The following WASF3 variants were observed in gnomAD, a reference collection of about 807,000 sequenced individuals.
The protein encoded by WASF3 is actin-binding protein WASF3.
WASF3 carries 11 observed loss-of-function variants against 46.6 expected under a neutral mutation model. The ratio of observed to expected loss-of-function variants is 0.24; its 90% CI spans 0.15 to 0.39. WASF3 has a LOEUF of 0.39. Among genes scored for constraint, WASF3 ranks in the 10% least tolerant of loss-of-function variants. The pLI is 1.00. For synonymous variants in WASF3, 242 were observed against 259.7 expected, an observed-to-expected ratio of 0.93 and a Z score of 0.65; for missense variants, 576 against 669.8, an observed-to-expected ratio of 0.86 and a Z score of 1.55.
Position 26,642,386 on chromosome 13 carries a change from G to T in WASF3, c.116G>T (p.Arg39Leu). 1 of 1,600,208 alleles carries T rather than the reference G, an allele frequency of 6.2e-7. No homozygotes were observed. The highest frequency in any genetic ancestry group is 1.8e-5 in the Admixed American group (1 of 56,774). ...AATAGTACTCTTGCCGCTATCATAC[G>T]CCAGCTGAGCAGTCTGAGTAAGCCA... Reference protein sequence around the residue: ...VTNSTLAAIIRQLSSLSKHAE... With the variant: ...VTNSTLAAIILQLSSLSKHAE... Residue 39 changes from arginine to leucine, a missense_variant, in exon 3 of 10, where the codon CGC (arginine) becomes CTC (leucine). By Grantham distance (102) the Arg-to-Leu change is moderately radical. Coordinates refer to ENST00000335327, the MANE Select transcript of WASF3 (RefSeq NM_006646.6).
the WASF3 span, among the ~76,000 whole-genome samples, chr13:26,551,066 A>AGTGAGT: frequency 3.9e-5 from 6 of 152,166 alleles, no homozygotes; most frequent in East Asian, 1.2e-3. Context: ...TTCTCATGAT[A>AGTGAGT]GTGAGTGTGT....
In WASF3 at chr13:26,588,535, C is replaced by A. The variant is rs557261872; in HGVS notation, c.-108-24426C>A. ...GTTTTTACCAAAGTCAAATAGTATCCCCAAATCGGCTTCTGTTTCAGTTAT... is the reference window on the plus strand; with the variant it reads ...GTTTTTACCAAAGTCAAATAGTATCACCAAATCGGCTTCTGTTTCAGTTAT... On this transcript the variant is annotated intron_variant, in intron 1 of 9. Transcript: ENST00000335327. Among the ~76,000 whole-genome samples the A allele has an allele frequency of 2.6e-5, 4 of 152,208 alleles. No homozygotes were observed. In the East Asian group the frequency reaches 5.8e-4, roughly 22 times the overall value.
chr13:26,563,757 A>G (rs1879374303), intron 1 of WASF3, among the ~76,000 whole-genome samples: 2 of 149,514 alleles, frequency 1.3e-5, no homozygotes, highest in Non-Finnish European at 3.0e-5. Context: ...GTGCCTGCAC[A>G]TGTGCCTCTT....
intron 1 of WASF3, among the ~76,000 whole-genome samples, chr13:26,564,370 C>T (rs564117129): frequency 1.3e-5 from 2 of 152,228 alleles, no homozygotes; most frequent in Non-Finnish European, 2.9e-5. Context: ...AGGTTTTGCA[C>T]TTATTTCACT....
Position 26,680,101 on chromosome 13 carries a change from A to G in WASF3, c.717-953A>G, listed in dbSNP as rs754549405. 20 of 1,598,216 alleles carry G rather than the reference A, an allele frequency of 1.3e-5. No homozygotes were observed. In the East Asian group the frequency reaches 4.2e-4, roughly 34 times the overall value. ...AAATGTGAGAAAAGTCAGAACAAGAAAAGAAGAGTGGGAGAGAAGGAAAAT... is the reference window on the plus strand; with the variant it reads ...AAATGTGAGAAAAGTCAGAACAAGAGAAGAAGAGTGGGAGAGAAGGAAAAT... On this transcript the variant is annotated intron_variant, in intron 7 of 9. Transcript: ENST00000335327.
At chr13:26,578,575 G>T (rs573758831) in intron 1 of WASF3, among the ~76,000 whole-genome samples, 4 of 152,214 alleles carry the variant, frequency 2.6e-5, no homozygotes, top group African/African-American at 9.6e-5. Flanking sequence ...ATTCACATTT[G>T]TTTTCTTTAA....
chr13:26,577,375 C>T, intron 1 of WASF3: 1 of 769,210 alleles, frequency 1.3e-6, no homozygotes, highest in Non-Finnish European at 2.4e-6. Context: ...TCCGCCAAAT[C>T]CGGAAGAATA....
At chr13:26,556,046 C>T (rs1879090004), upstream of WASF3, among the ~76,000 whole-genome samples, 1 of 152,164 alleles carries the variant, frequency 6.6e-6, no homozygotes, top group African/African-American at 2.4e-5. Flanking sequence ...CTGTACTAGG[C>T]ATTATAAAAG....
At chr13:26,575,314 C>G (rs1400067844) in intron 1 of WASF3, among the ~76,000 whole-genome samples, 1 of 152,040 alleles carries the variant, frequency 6.6e-6, no homozygotes, top group South Asian at 2.1e-4. Context: ...CTTTTCAGGA[C>G]ATATACAGTT....
At chr13:26,629,830 A>T (rs1419828096) in intron 2 of WASF3, among the ~76,000 whole-genome samples, 1 of 152,082 alleles carries the variant, frequency 6.6e-6, no homozygotes, top group Admixed American at 6.5e-5. Context: ...GGAGCTTTGC[A>T]TGCCTGGACC....
In WASF3 at chr13:26,596,159, C is replaced by A. The variant is rs533697512; in HGVS notation, c.-108-16802C>A. Among the ~76,000 whole-genome samples, 4 of 141,188 alleles carry A rather than the reference C, an allele frequency of 2.8e-5. No homozygotes were observed. In the East Asian group the frequency reaches 8.2e-4, roughly 29 times the overall value. The allele number at this position is 141,188 out of a possible 152,430, so 92.6% of individuals were successfully genotyped here. ...TCCTCACCAGACTTTGGTATTATCACTGTTTATTTTAACTGTTCTAACCTG... is the reference window on the plus strand; with the variant it reads ...TCCTCACCAGACTTTGGTATTATCAATGTTTATTTTAACTGTTCTAACCTG... On this transcript the variant is annotated intron_variant, in intron 1 of 9. Coordinates refer to ENST00000335327, the MANE Select transcript of WASF3 (RefSeq NM_006646.6).
chr13:26,589,164 T>C, intron 1 of WASF3, among the ~76,000 whole-genome samples: 1 of 152,258 alleles, frequency 6.6e-6, no homozygotes, highest in East Asian at 1.9e-4. Context: ...AGTAGATGGA[T>C]AGTTACTTCG....
chr13:26,541,732 G>T, the WASF3 span, among the ~76,000 whole-genome samples: 1 of 151,664 alleles, frequency 6.6e-6, no homozygotes, highest in Non-Finnish European at 1.5e-5. Context: ...ATCCTCCCGC[G>T]TTGGCCTCCC....
At chr13:26,635,226 T>G (rs920832196) in intron 2 of WASF3, among the ~76,000 whole-genome samples, 1 of 152,224 alleles carries the variant, frequency 6.6e-6, no homozygotes, top group Non-Finnish European at 1.5e-5. Context: ...CTCACTTTAT[T>G]TCATTATTTT....
the WASF3 span, among the ~76,000 whole-genome samples, chr13:26,544,052 C>T: frequency 6.6e-6 from 1 of 152,106 alleles, no homozygotes; most frequent in African/African-American, 2.4e-5. Context: ...TGCCCTGTTC[C>T]ACTAACATTA....
chr13:26,667,121 C>T (rs1882798046), intron 4 of WASF3, among the ~76,000 whole-genome samples: 1 of 152,154 alleles, frequency 6.6e-6, no homozygotes, highest in Non-Finnish European at 1.5e-5. Flanking sequence ...AGAAGTATTT[C>T]CCACATGCAT....
At chr13:26,548,212 T>C in the WASF3 span, among the ~76,000 whole-genome samples, 4 of 152,230 alleles carry the variant, frequency 2.6e-5, no homozygotes, top group Non-Finnish European at 4.4e-5. Context: ...AAACTCCAGA[T>C]GTTTTCCTTC....
chr13:26,676,419 G>A, intron 6 of WASF3, 130 bp from the exon 7 acceptor site: 3 of 949,076 alleles, frequency 3.2e-6, no homozygotes, highest in Non-Finnish European at 4.6e-6. Flanking sequence ...TGTAACATTA[G>A]GGTAATCGAA....
chr13:26,557,156 CTG>C (rs1211053040), upstream of WASF3, among the ~76,000 whole-genome samples: 5 of 152,160 alleles, frequency 3.3e-5, no homozygotes, highest in African/African-American at 1.2e-4. Context: ...ACAGAAGAAT[CTG>C]TGTTGAAGGA....
Sources: allele counts gnomAD v4.1 joint callset (sites outside exome capture counted in the v4.1 genomes callset), GRCh38; gene constraint gnomAD v4.1.1; transcripts MANE v1.5; gene names NCBI Gene and HGNC (gene_info 2026-07-23, HGNC 2026-07-21).